Variants in L3MBTL4 observed in about 807,000 individuals in gnomAD.
The protein encoded by L3MBTL4 is lethal(3)malignant brain tumor-like protein 4.
Under a neutral mutation model 84.5 loss-of-function variants are expected in L3MBTL4, and 70 were observed. The ratio of observed to expected loss-of-function variants is 0.83; its 90% confidence interval spans 0.68 to 1.01. The LOEUF is 1.01. L3MBTL4 is among the 50% of genes least tolerant of loss of function. L3MBTL4 has a pLI of 0.00. For missense variants in L3MBTL4, 715 were observed against 754.8 expected (o/e 0.95, Z 0.62); for synonymous variants, 274 against 259.8 (o/e 1.05, Z -0.52).
At chr18:6,048,249 GA>G (rs1184851010) in intron 16 of L3MBTL4, among the ~76,000 whole-genome samples, 2 of 152,074 alleles carry the variant, frequency 1.3e-5, no homozygotes, top group African/African-American at 4.8e-5. Context: ...TAAACAAATG[GA>G]AAAACATTCC....
chr18:6,359,587 T>TA (rs1207872293), intron 1 of L3MBTL4, among the ~76,000 whole-genome samples: 1,844 of 148,702 alleles, frequency 0.012, 35 homozygotes, highest in African/African-American at 0.043. Flanking sequence ...ATGACATATC[T>TA]AAAAAAAAAA....
At chr18:6,329,606 G>C (rs1420864858) in intron 1 of L3MBTL4, among the ~76,000 whole-genome samples, 1 of 152,194 alleles carries the variant, frequency 6.6e-6, no homozygotes, top group Non-Finnish European at 1.5e-5. Context: ...GTTCAAGGTT[G>C]AGTGGGGCAC....
intron 1 of L3MBTL4, among the ~76,000 whole-genome samples, chr18:6,411,035 T>C (rs1173370464): frequency 6.6e-6 from 1 of 152,218 alleles, no homozygotes; most frequent in Non-Finnish European, 1.5e-5. Context: ...ATTGCTACCG[T>C]GGAAAAAATC....
At chr18:5,994,612 T>C (rs1477525715) in intron 16 of L3MBTL4, among the ~76,000 whole-genome samples, 2 of 152,142 alleles carry the variant, frequency 1.3e-5, no homozygotes, top group African/African-American at 4.8e-5. Flanking sequence ...GGGCTCAGTC[T>C]CCACTAACGC....
intron 1 of L3MBTL4, chr18:6,413,924 G>T (rs1278024104): frequency 2.6e-5 from 4 of 152,290 alleles, no homozygotes; most frequent in African/African-American, 9.6e-5. Context: ...TTTAACCAGT[G>T]ACTAAGGGAG....
intron 13 of L3MBTL4, among the ~76,000 whole-genome samples, chr18:6,141,942 G>T (rs1247326125): frequency 6.6e-6 from 1 of 152,096 alleles, no homozygotes; most frequent in African/African-American, 2.4e-5. Context: ...CCTCATTCAG[G>T]ATTCTGCATC....
At chr18:6,079,655 T>C (rs549038417) in intron 16 of L3MBTL4, among the ~76,000 whole-genome samples, 1 of 152,332 alleles carries the variant, frequency 6.6e-6, no homozygotes, top group East Asian at 1.9e-4. Context: ...ATATACATAA[T>C]TACTCTGTGG....
At chr18:6,254,901 A>G (rs1242000671) in intron 5 of L3MBTL4, among the ~76,000 whole-genome samples, 1 of 152,226 alleles carries the variant, frequency 6.6e-6, no homozygotes, top group Non-Finnish European at 1.5e-5. Context: ...CAGATAAAAC[A>G]CTACTAGGTC....
chr18:6,309,691 G>C (rs533816413), intron 3 of L3MBTL4, among the ~76,000 whole-genome samples: 2 of 152,286 alleles, frequency 1.3e-5, no homozygotes, highest in Admixed American at 1.3e-4. Context: ...GTCTTTAAGA[G>C]GAAATTGGGA....
chr18:6,315,928 G>T (rs755777341), intron 1 of L3MBTL4, among the ~76,000 whole-genome samples: 1 of 152,154 alleles, frequency 6.6e-6, no homozygotes, highest in Admixed American at 6.5e-5. Flanking sequence ...CATAAGTCTT[G>T]CATAATACTT....
chr18:6,166,143 T>C (rs1210151860), intron 13 of L3MBTL4, among the ~76,000 whole-genome samples: 6 of 152,144 alleles, frequency 3.9e-5, no homozygotes, highest in Non-Finnish European at 8.8e-5. Flanking sequence ...CCTAAATATA[T>C]ATGCACCCAA....
At chr18:6,315,041 T>C (rs574002440) in intron 1 of L3MBTL4, among the ~76,000 whole-genome samples, 5 of 152,268 alleles carry the variant, frequency 3.3e-5, no homozygotes, top group Admixed American at 2.0e-4. Context: ...TGGTACCATA[T>C]AGGTAAGAAA....
At chr18:6,377,657 C>G (rs944650206) in intron 1 of L3MBTL4, among the ~76,000 whole-genome samples, 6 of 152,142 alleles carry the variant, frequency 3.9e-5, no homozygotes, top group South Asian at 2.1e-4. Flanking sequence ...TGAACACATC[C>G]TTTTTTATGG....
intron 15 of L3MBTL4, among the ~76,000 whole-genome samples, chr18:6,092,935 T>A (rs16949405): frequency 6.6e-6 from 1 of 152,312 alleles, no homozygotes; most frequent in Middle Eastern, 3.4e-3. Context: ...GTATTAAAGA[T>A]GACAAAGACA....
At chr18:6,294,243 T>G (rs1164281751) in intron 4 of L3MBTL4, among the ~76,000 whole-genome samples, 2 of 152,048 alleles carry the variant, frequency 1.3e-5, no homozygotes, top group South Asian at 2.1e-4. Context: ...TTACAAAATA[T>G]CAATTAAAAA....
intron 1 of L3MBTL4, among the ~76,000 whole-genome samples, chr18:6,366,015 G>A (rs946791436): frequency 1.3e-5 from 2 of 152,162 alleles, no homozygotes; most frequent in African/African-American, 2.4e-5. Context: ...GAGCACAGAT[G>A]GGAAGGTGGC....
At chr18:6,201,701 C>A (rs903230596) in intron 12 of L3MBTL4, among the ~76,000 whole-genome samples, 4 of 152,092 alleles carry the variant, frequency 2.6e-5, no homozygotes, top group African/African-American at 7.2e-5. Flanking sequence ...AAGAAAAATG[C>A]AAATTTATAT....
chr18:6,244,970 C>T (rs1463235851), intron 5 of L3MBTL4, among the ~76,000 whole-genome samples: 2 of 152,222 alleles, frequency 1.3e-5, no homozygotes, highest in African/African-American at 2.4e-5. Context: ...AGTGTATTGG[C>T]ACGATCTTGG....
At position 6,210,578 on chromosome 18, in the gene L3MBTL4, C is replaced by T. The variant is rs548664854; in HGVS notation, c.981+2571G>A. On this transcript the variant is annotated intron_variant, in intron 12 of 18. Transcript: ENST00000317931. ...TACATAACGGGTATAACAACAGTAC[C>T]TTATTTCACATGGTTGCAGGAAGAT... Among the ~76,000 whole-genome samples the T allele has an allele frequency of 3.5e-4, 53 of 152,250 alleles. No individual in the cohort carries two copies. The South Asian group carries it at 3.7e-3, about 11-fold the overall frequency.
Sources: gnomAD v4.1 joint callset for allele counts (sites outside exome capture counted in the v4.1 genomes callset) on GRCh38, gnomAD v4.1.1 for gene constraint, MANE v1.5 for transcripts, NCBI Gene and HGNC (gene_info 2026-07-23, HGNC 2026-07-21) for gene names.